Variants in MCCC2 observed in about 807,000 individuals in gnomAD.
MCCC2 encodes methylcrotonyl-CoA carboxylase subunit 2, also known as methylcrotonoyl-CoA carboxylase beta chain, mitochondrial.
A neutral mutation model predicts 77.2 loss-of-function variants in MCCC2; 52 were observed. The ratio of observed to expected loss-of-function variants is 0.67; its 90% CI spans 0.54 to 0.85. MCCC2 has a LOEUF of 0.85. MCCC2 is among the 40% of genes least tolerant of loss of function. MCCC2 has a pLI of 0.00. For synonymous variants in MCCC2, 253 were observed against 248.4 expected (o/e 1.02, Z -0.18); for missense variants, 682 against 703.2 (o/e 0.97, Z 0.34).
intron 8 of MCCC2, among the ~76,000 whole-genome samples, chr5:71,633,129 A>ATTTTTTTT (rs1215619050): frequency 2.1e-4 from 17 of 81,982 alleles, no homozygotes; most frequent in Non-Finnish European, 1.9e-4. Flanking sequence ...ATATATATAT[A>ATTTTTTTT]TATTTTTATT....
intron 2 of MCCC2, among the ~76,000 whole-genome samples, chr5:71,595,693 A>C (rs546024530): frequency 6.6e-6 from 1 of 152,274 alleles, no homozygotes; most frequent in African/African-American, 2.4e-5. Flanking sequence ...TGGGCTCTTC[A>C]GTTATAATTT....
chr5:71,644,175 G>A (rs908322521), intron 12 of MCCC2, among the ~76,000 whole-genome samples: 7 of 151,884 alleles, frequency 4.6e-5, no homozygotes, highest in Non-Finnish European at 1.0e-4. Flanking sequence ...TATTAAAAAT[G>A]TACTCATTTT....
At chr5:71,593,124 C>T (rs1745047945) in intron 2 of MCCC2, 132 bp downstream of exon 2, 1 of 755,788 alleles carries the variant, frequency 1.3e-6, no homozygotes, top group East Asian at 2.8e-5. Flanking sequence ...GTCTTGCTCT[C>T]TTGCCCAGGC....
At chr5:71,596,187 G>A in intron 2 of MCCC2, 93 bp from the exon 3 acceptor site, 1 of 1,123,946 alleles carries the variant, frequency 8.9e-7, no homozygotes, top group Non-Finnish European at 1.3e-6. Flanking sequence ...CTTTTAAAAA[G>A]TGCTATATTT....
At chr5:71,654,602 G>A (rs2112475575) in intron 16 of MCCC2, among the ~76,000 whole-genome samples, 1 of 152,148 alleles carries the variant, frequency 6.6e-6, no homozygotes, top group African/African-American at 2.4e-5. Context: ...CACAGGGACA[G>A]CTGAAATATT....
Position 71,635,231 on chromosome 5 carries a change from C to T in MCCC2, c.984C>T (p.Ser328=). 2 of 1,614,066 alleles carry T rather than the reference C, an allele frequency of 1.2e-6. No individual in the cohort carries two copies. Among genetic ancestry groups the T allele is most frequent in the Non-Finnish European group, 8.5e-7 (1 of 1,179,966 alleles). ...YGIVGANLKR[S]FDVREVIARI... is the part of the protein sequence containing the mutation. ...TAGTTGGTGCTAACCTTAAGAGGAG[C>T]TTTGATGTCCGAGAGGTATGTGAAA... The change falls in exon 10 of 17, where the codon AGC becomes AGT. Residue 328 remains serine (S), a synonymous_variant. Transcript: ENST00000340941.
intron 14 of MCCC2, 115 bp from the exon 15 acceptor site, chr5:71,649,954 G>T (rs1015172815): frequency 2.5e-6 from 2 of 784,656 alleles, no homozygotes; most frequent in African/African-American, 3.4e-5. Context: ...CTCTACAGAT[G>T]ATTGTAATGT....
chr5:71,652,769 A>T lies in MCCC2; in HGVS notation c.1574+15A>T. 6.2e-7 allele frequency: 1 copy of T among 1,610,202 alleles called. No homozygotes were observed. Among genetic ancestry groups the T allele is most frequent in the Non-Finnish European group, 8.5e-7 (1 of 1,176,474 alleles). ...TCCAGCGCAAGGTGGGGGCCAGAAC[A>T]TCACTAACTCTCTGATGGGTGCAGA... On this transcript the variant is annotated intron_variant, in intron 16 of 16. Transcript: ENST00000340941.
At chr5:71,626,596 G>A in intron 6 of MCCC2, 44 bp from the exon 7 acceptor site, 1 of 1,425,890 alleles carries the variant, frequency 7.0e-7, no homozygotes, top group Non-Finnish European at 9.9e-7. Context: ...AGAAGTCACT[G>A]CATGAGCTGC....
intron 1 of MCCC2, 50 bp from the exon 2 acceptor site, chr5:71,592,876 G>T (rs1170310359): frequency 7.7e-7 from 1 of 1,304,948 alleles, no homozygotes; most frequent in South Asian, 1.2e-5. Flanking sequence ...TGGTAAAAAG[G>T]AATTGCTTTC....
At chr5:71,598,927 T>A (rs555906209) in intron 3 of MCCC2, among the ~76,000 whole-genome samples, 3,201 of 74,720 alleles carry the variant, frequency 0.043, 59 homozygotes, top group Middle Eastern at 0.17. Flanking sequence ...GTGTTGAAAA[T>A]TTTTTTTTTT....
At chr5:71,623,409 G>A (rs954243891) in intron 6 of MCCC2, among the ~76,000 whole-genome samples, 3 of 152,168 alleles carry the variant, frequency 2.0e-5, no homozygotes, top group Non-Finnish European at 4.4e-5. Context: ...TTGGAGGCCT[G>A]TTTCTTACGA....
intron 13 of MCCC2, among the ~76,000 whole-genome samples, chr5:71,646,819 T>C (rs1389452859): frequency 6.6e-6 from 1 of 152,218 alleles, no homozygotes; most frequent in Non-Finnish European, 1.5e-5. Context: ...AGCATCATGC[T>C]TTTCCTAGGA....
intron 5 of MCCC2, chr5:71,603,163 A>G (rs1454765302): frequency 1.3e-5 from 2 of 157,932 alleles, no homozygotes; most frequent in African/African-American, 4.8e-5. Flanking sequence ...CTGTAATCCC[A>G]GCACTTTGGG....
intron 14 of MCCC2, among the ~76,000 whole-genome samples, chr5:71,649,738 T>C (rs1279592897): frequency 6.6e-6 from 1 of 152,198 alleles, no homozygotes; most frequent in Non-Finnish European, 1.5e-5. Context: ...GATAATCTTA[T>C]GCTTAAACTA....
At chr5:71,594,322 A>G (rs1745092552) in intron 2 of MCCC2, among the ~76,000 whole-genome samples, 1 of 152,106 alleles carries the variant, frequency 6.6e-6, no homozygotes, top group Non-Finnish European at 1.5e-5. Flanking sequence ...TGAAGTCAGG[A>G]GTTCGAGACC....
chr5:71,597,822 T>A (rs531928800), intron 3 of MCCC2, among the ~76,000 whole-genome samples: 2 of 152,348 alleles, frequency 1.3e-5, no homozygotes, highest in South Asian at 4.1e-4. Context: ...TGCTGTTTTG[T>A]AGCCAGCTCT....
intron 6 of MCCC2, among the ~76,000 whole-genome samples, chr5:71,610,339 G>C (rs1029800940): frequency 6.6e-6 from 1 of 152,060 alleles, no homozygotes; most frequent in African/African-American, 2.4e-5. Context: ...TTCCAGGTGC[G>C]TCCGTCACCC....
In MCCC2 at chr5:71,643,701, C is replaced by A. The variant is rs1386129305; in HGVS notation, c.1073-118C>A. The A allele has an allele frequency of 3.1e-6, 5 of 1,598,496 alleles. No homozygotes were observed. In the African/African-American group the frequency reaches 5.4e-5, roughly 17 times the overall value. ...AGCTGTTTTATACCATAGACAAAAT[C>A]TCTTTGCATTTTAAACTTGGATCTG... is the stretch of plus-strand genomic sequence containing the variant. On this transcript the variant is annotated intron_variant, in intron 11 of 16. Transcript: ENST00000340941.
Sources: allele counts gnomAD v4.1 joint callset (sites outside exome capture counted in the v4.1 genomes callset), GRCh38; gene constraint gnomAD v4.1.1; transcripts MANE v1.5; gene names NCBI Gene and HGNC (gene_info 2026-07-23, HGNC 2026-07-21).